Variants in BORCS5 observed in about 807,000 individuals in gnomAD.
BORCS5 encodes BLOC-1-related complex subunit 5.
Under a neutral mutation model 22.1 loss-of-function variants are expected in BORCS5, and 17 were observed. The ratio of observed to expected loss-of-function variants is 0.77; its 90% CI spans 0.53 to 1.15. The LOEUF (loss-of-function observed/expected upper bound fraction) is 1.15. Ranked by LOEUF, BORCS5 falls within the 50% of genes most tolerant of loss-of-function variation. The pLI, the probability that BORCS5 is intolerant of heterozygous loss-of-function variation, is 0.00. For synonymous variants in BORCS5, 117 were observed against 99.8 expected (o/e 1.17, Z -1.03); for missense variants, 247 against 253.2 (o/e 0.98, Z 0.17).
intron 2 of BORCS5, among the ~76,000 whole-genome samples, chr12:12,418,574 C>G (rs1942033043): frequency 2.0e-5 from 3 of 152,114 alleles, no homozygotes; most frequent in African/African-American, 7.2e-5. Context: ...GTAGTCCCAG[C>G]TACTTGGGAG....
At chr12:12,452,881 A>G (rs1480098738) in intron 3 of BORCS5, among the ~76,000 whole-genome samples, 1 of 152,124 alleles carries the variant, frequency 6.6e-6, no homozygotes, top group Non-Finnish European at 1.5e-5. Flanking sequence ...AACCTTTATA[A>G]TCTGTCTGAA....
chr12:12,463,581 C>T lies in BORCS5; in HGVS notation c.361-1965C>T, dbSNP rs568030092. ...TCACGCAAACTCAAGTTTCCTCTTG[C>T]GGTTTTTTTCTTCCATGGAGCATAA... On this transcript the variant is annotated intron_variant, in intron 3 of 3. Coordinates refer to ENST00000314565, the MANE Select transcript of BORCS5 (RefSeq NM_058169.6). 9.9e-5 allele frequency among the ~76,000 whole-genome samples: 15 copies of T among 152,240 alleles called. No homozygotes were observed. The South Asian group carries it at 1.5e-3, about 15-fold the overall frequency.
chr12:12,382,545 T>TC, intron 2 of BORCS5, among the ~76,000 whole-genome samples: 1 of 150,118 alleles, frequency 6.7e-6, no homozygotes, highest in African/African-American at 2.4e-5. Context: ...TTTTTTTTTT[T>TC]TTTTTTTGAG....
At chr12:12,448,130 C>T (rs1255018560) in intron 3 of BORCS5, among the ~76,000 whole-genome samples, 2 of 152,228 alleles carry the variant, frequency 1.3e-5, no homozygotes, top group Non-Finnish European at 2.9e-5. Flanking sequence ...GATGCAGGCT[C>T]AGAGCTAACG....
At chr12:12,413,660 G>A (rs1299954455) in intron 2 of BORCS5, among the ~76,000 whole-genome samples, 3 of 130,906 alleles carry the variant, frequency 2.3e-5, no homozygotes, top group Non-Finnish European at 4.9e-5. Flanking sequence ...GGGCGGCCGG[G>A]CAGAAGCGCC....
In BORCS5 at chr12:12,387,308, A is replaced by G. The variant is rs552029960; in HGVS notation, c.202+25959A>G. On this transcript the variant is annotated intron_variant, in intron 2 of 3. Transcript: ENST00000314565. ...TTTGGTGATTATAAGTAAAGCCAAC[A>G]TAAGTTTTGTGGCAGTTACAATATA... is the stretch of plus-strand genomic sequence containing the variant. Among the ~76,000 whole-genome samples, 9 of 151,708 alleles carry G rather than the reference A, an allele frequency of 5.9e-5. No homozygotes were observed. In the South Asian group the frequency reaches 8.3e-4, roughly 14 times the overall value.
chr12:12,413,631 G>A (rs1196709516), intron 2 of BORCS5, among the ~76,000 whole-genome samples: 1 of 132,544 alleles, frequency 7.5e-6, no homozygotes, highest in Non-Finnish European at 1.6e-5. Flanking sequence ...GGGCAGAGGG[G>A]CTCCTCACTT....
At chr12:12,428,329 A>G (rs1449110545) in intron 2 of BORCS5, among the ~76,000 whole-genome samples, 1 of 152,172 alleles carries the variant, frequency 6.6e-6, no homozygotes, top group Non-Finnish European at 1.5e-5. Flanking sequence ...TCCACTCAAC[A>G]TTTTACACAA....
rs1221433965 is a variant in BORCS5 at position 12,380,102 on chromosome 12, GT to G, written c.202+18756del. 4.0e-5 allele frequency among the ~76,000 whole-genome samples: 6 copies of G among 151,316 alleles called. 1 individual carries two copies. Among genetic ancestry groups the G allele is most frequent in the Non-Finnish European group, 8.9e-5 (6 of 67,676 alleles). On this transcript the variant is annotated intron_variant, in intron 2 of 3. Coordinates refer to ENST00000314565, the MANE Select transcript of BORCS5 (RefSeq NM_058169.6). ...GTCAGAGCACATGCAACACTTCTCA[GT>G]TTAAGTTTCCTGTTTTCTATGGGTG... is the stretch of plus-strand genomic sequence containing the variant.
At chr12:12,430,905 G>A (rs749118820) in intron 2 of BORCS5, among the ~76,000 whole-genome samples, 17 of 151,956 alleles carry the variant, frequency 1.1e-4, no homozygotes, top group East Asian at 1.9e-4. Flanking sequence ...CATAGAGAGC[G>A]CCCTCATTCT....
intron 3 of BORCS5, among the ~76,000 whole-genome samples, chr12:12,452,851 G>A (rs909942366): frequency 6.6e-6 from 1 of 152,212 alleles, no homozygotes; most frequent in Non-Finnish European, 1.5e-5. Flanking sequence ...GAAAGGTTTT[G>A]TTGCAGCCTG....
intron 2 of BORCS5, among the ~76,000 whole-genome samples, chr12:12,427,036 G>A (rs1233410609): frequency 6.6e-6 from 1 of 152,128 alleles, no homozygotes; most frequent in Non-Finnish European, 1.5e-5. Flanking sequence ...AGGTCACAGG[G>A]TGGGGATAAA....
At chr12:12,414,303 C>T (rs1360968188) in intron 2 of BORCS5, among the ~76,000 whole-genome samples, 2 of 76,100 alleles carry the variant, frequency 2.6e-5, no homozygotes, top group African/African-American at 6.6e-5. Flanking sequence ...CGCCCCTCAC[C>T]TCCCGGACGG....
intron 3 of BORCS5, among the ~76,000 whole-genome samples, chr12:12,445,738 A>G (rs1327509934): frequency 6.7e-6 from 1 of 148,940 alleles, no homozygotes; most frequent in East Asian, 2.0e-4. Context: ...GGCTCAAGTG[A>G]TCCTCCTGCC....
intron 2 of BORCS5, among the ~76,000 whole-genome samples, chr12:12,399,117 A>G (rs1198592141): frequency 6.6e-6 from 1 of 152,142 alleles, no homozygotes; most frequent in Non-Finnish European, 1.5e-5. Context: ...GTTTTACAGT[A>G]TTACTAAGCA....
chr12:12,428,895 C>T (rs1374587720), intron 2 of BORCS5, among the ~76,000 whole-genome samples: 2 of 151,930 alleles, frequency 1.3e-5, no homozygotes, highest in Non-Finnish European at 2.9e-5. Context: ...CAGAAAAATC[C>T]TAAGTGTAAA....
At chr12:12,416,698 C>T (rs760314496) in intron 2 of BORCS5, among the ~76,000 whole-genome samples, 2 of 151,798 alleles carry the variant, frequency 1.3e-5, no homozygotes, top group Non-Finnish European at 2.9e-5. Context: ...TGGGCTCAAG[C>T]GATCCTTCCA....
intron 1 of BORCS5, among the ~76,000 whole-genome samples, chr12:12,360,363 A>G (rs191909731): frequency 2.5e-4 from 38 of 152,182 alleles, no homozygotes; most frequent in African/African-American, 8.4e-4. Context: ...TCTGCCTCAA[A>G]ATAAAATAAA....
At chr12:12,396,628 G>A (rs1941353942) in intron 2 of BORCS5, among the ~76,000 whole-genome samples, 1 of 152,124 alleles carries the variant, frequency 6.6e-6, no homozygotes, top group Admixed American at 6.5e-5. Context: ...AACTCTTGGA[G>A]GGAGTGGGGG....
Sources: gnomAD v4.1 joint callset for allele counts (sites outside exome capture counted in the v4.1 genomes callset) on GRCh38, gnomAD v4.1.1 for gene constraint, MANE v1.5 for transcripts, NCBI Gene and HGNC (gene_info 2026-07-23, HGNC 2026-07-21) for gene names.